The following TLK1 variants were observed in gnomAD, a reference collection of about 807,000 sequenced individuals.
TLK1 encodes the protein serine/threonine-protein kinase tousled-like 1.
TLK1 carries 24 observed loss-of-function variants against 105.3 expected under a neutral mutation model. The ratio of observed to expected loss-of-function variants is 0.23; its 90% CI spans 0.17 to 0.32. The LOEUF is 0.32. Among genes scored for constraint, TLK1 ranks in the 10% least tolerant of loss-of-function variants. The pLI, the probability that TLK1 is intolerant of heterozygous loss-of-function variation, is 1.00. For synonymous variants in TLK1, 321 were observed against 310.4 expected (o/e 1.03, Z -0.36); for missense variants, 558 against 910.5 (o/e 0.61, Z 4.98).
intron 1 of TLK1, among the ~76,000 whole-genome samples, chr2:171,124,777 C>T (rs1690801351): frequency 6.6e-6 from 1 of 152,226 alleles, no homozygotes. Flanking sequence ...TCAGATTGTA[C>T]TTAGTGTTTT....
At chr2:171,157,435 A>G (rs1245198180) in intron 1 of TLK1, among the ~76,000 whole-genome samples, 1 of 152,228 alleles carries the variant, frequency 6.6e-6, no homozygotes, top group African/African-American at 2.4e-5. Context: ...TCAACAGAAA[A>G]TCTAGAGCTA....
chr2:171,195,479 G>A (rs1693253036), intron 1 of TLK1, among the ~76,000 whole-genome samples: 1 of 140,732 alleles, frequency 7.1e-6, no homozygotes, highest in South Asian at 2.3e-4. Context: ...CTCCAGCTAG[G>A]TGACAGAGCA....
rs1367579737 is a variant in TLK1 at position 170,990,870 on chromosome 2, A to C, written c.*2910T>G. 7.5e-6 allele frequency: 1 copy of C among 134,194 alleles called. No individual in the cohort carries two copies. The highest frequency in any genetic ancestry group is 1.9e-4 in the East Asian group (1 of 5,158). The allele number at this position is 134,194 out of a possible 1,614,324, so 8.3% of individuals were successfully genotyped here. On this transcript the variant is annotated 3_prime_UTR_variant, in exon 21 of 21. Coordinates refer to ENST00000431350, the MANE Select transcript of TLK1 (RefSeq NM_012290.5). ...AATAAGTAATGATGAACAGCAAAAC[A>C]ACACACAATATACTCTTTAAATGTT...
At chr2:171,186,730 G>C (rs187667855) in intron 1 of TLK1, among the ~76,000 whole-genome samples, 242 of 152,098 alleles carry the variant, frequency 1.6e-3, no homozygotes, top group African/African-American at 5.7e-3. Context: ...TTCCATATTA[G>C]TTTCTTATAT....
chr2:171,128,973 T>C (rs1012707543), intron 1 of TLK1, among the ~76,000 whole-genome samples: 20 of 152,086 alleles, frequency 1.3e-4, no homozygotes, highest in African/African-American at 4.3e-4. Flanking sequence ...AGTATGTGTG[T>C]GTGTGTGTGT....
chr2:171,114,840 G>GA (rs113782913), intron 2 of TLK1, among the ~76,000 whole-genome samples: 28 of 149,264 alleles, frequency 1.9e-4, no homozygotes, highest in South Asian at 4.2e-4. Context: ...GTCTCAGAGG[G>GA]AAAAAAAAAG....
intron 1 of TLK1, among the ~76,000 whole-genome samples, chr2:171,202,710 T>C (rs1218725465): frequency 2.6e-5 from 4 of 152,120 alleles, no homozygotes; most frequent in Non-Finnish European, 5.9e-5. Flanking sequence ...TGAGCCGAGA[T>C]TGCACCACTG....
chr2:171,037,086 A>G (rs1006529587), intron 11 of TLK1, among the ~76,000 whole-genome samples: 1 of 152,142 alleles, frequency 6.6e-6, no homozygotes, highest in African/African-American at 2.4e-5. Context: ...AGAAAAGGTA[A>G]TATCTGAACT....
At position 171,046,155 on chromosome 2, in the gene TLK1, A is replaced by T. The variant is rs376479608; in HGVS notation, c.1169+19T>A. ...CTGGCAACAATTTTAAAAAAGAAAA[A>T]TTTTAAATGGAGGCTTACAGTTGTG... On this transcript the variant is annotated intron_variant, in intron 11 of 20. Transcript: ENST00000431350. 2 of 1,499,636 alleles carry T rather than the reference A, an allele frequency of 1.3e-6. No homozygotes were observed. Among genetic ancestry groups the T allele is most frequent in the Non-Finnish European group, 1.8e-6 (2 of 1,126,232 alleles). The allele number at this position is 1,499,636 out of a possible 1,614,324, so 92.9% of individuals were successfully genotyped here.
chr2:171,123,057 T>TACACACACACACACACACAC (rs71008752), intron 1 of TLK1, among the ~76,000 whole-genome samples: 6 of 141,218 alleles, frequency 4.2e-5, no homozygotes, highest in African/African-American at 1.6e-4. Context: ...AATAAATAAA[T>TACACACACACACACACACAC]ACACACACAC....
intron 2 of TLK1, among the ~76,000 whole-genome samples, chr2:171,083,198 C>T (rs1271180506): frequency 6.6e-6 from 1 of 152,156 alleles, no homozygotes; most frequent in African/African-American, 2.4e-5. Context: ...ACTAATGCTA[C>T]CTTTGGCTGA....
intron 1 of TLK1, among the ~76,000 whole-genome samples, chr2:171,146,274 T>C (rs1432382848): frequency 6.6e-6 from 1 of 151,876 alleles, no homozygotes; most frequent in Non-Finnish European, 1.5e-5. Context: ...CAGTGAGCTA[T>C]GATTGCGCCA....
At chr2:171,099,682 A>G (rs947945386) in intron 2 of TLK1, among the ~76,000 whole-genome samples, 1 of 152,212 alleles carries the variant, frequency 6.6e-6, no homozygotes, top group Non-Finnish European at 1.5e-5. Context: ...CAGAATTAAG[A>G]GTTCAGAAAT....
At chr2:171,006,071 A>C in intron 18 of TLK1, 76 bp downstream of exon 18, 7 of 1,400,782 alleles carry the variant, frequency 5.0e-6, no homozygotes, top group Non-Finnish European at 5.7e-6. Flanking sequence ...ATGGAAATAA[A>C]AAAAAAAACA....
rs1690590291 is a variant in TLK1 at position 171,120,102 on chromosome 2, A to G, written c.140-2245T>C. Among the ~76,000 whole-genome samples the G allele has an allele frequency of 3.9e-5, 6 of 152,002 alleles. 1 individual carries two copies. The South Asian group carries it at 1.2e-3, about 32-fold the overall frequency. ...TCTCTACTAAAAATACAAAAAAATT[A>G]GCCGAGCGTGGTGGTGTGTGCCTGT... On this transcript the variant is annotated intron_variant, in intron 1 of 20. Transcript: ENST00000431350.
At chr2:171,078,041 CT>C (rs997900085) in intron 3 of TLK1, among the ~76,000 whole-genome samples, 1 of 152,192 alleles carries the variant, frequency 6.6e-6, no homozygotes, top group Non-Finnish European at 1.5e-5. Flanking sequence ...CCAAAGACCC[CT>C]AGGTCTTCTT....
intron 2 of TLK1, among the ~76,000 whole-genome samples, chr2:171,102,931 A>C (rs993588145): frequency 6.6e-6 from 1 of 152,206 alleles, no homozygotes; most frequent in African/African-American, 2.4e-5. Flanking sequence ...TATGGAATCA[A>C]TAAGTTGTAG....
rs7572860 is a variant in TLK1 at position 171,066,534 on chromosome 2, T to C, written c.331-5378A>G. Among the ~76,000 whole-genome samples the C allele has an allele frequency of 5.1e-3, 784 of 152,300 alleles. 10 individuals carry two copies. The highest frequency in any genetic ancestry group is 0.017 in the African/African-American group (723 of 41,548). On this transcript the variant is annotated intron_variant, in intron 3 of 20. Coordinates refer to ENST00000431350, the MANE Select transcript of TLK1 (RefSeq NM_012290.5). ...ACAGCATTCACAACCGTATCAGTAC[T>C]CCAAAGAAATGTAATATTAAAACAA...
Position 170,993,688 on chromosome 2 carries a change from A to T in TLK1, c.*92T>A. On this transcript the variant is annotated 3_prime_UTR_variant, in exon 21 of 21. Coordinates refer to ENST00000431350, the MANE Select transcript of TLK1 (RefSeq NM_012290.5). ...TTGTGTAAAAAAAAAAAAAAAAAAA[A>T]AAGAAAAAGAAAACAAACACTCAAA... The T allele has an allele frequency of 2.1e-6, 2 of 973,604 alleles. No homozygotes were observed. The highest frequency in any genetic ancestry group is 2.8e-6 in the Non-Finnish European group (2 of 724,050). The allele number at this position is 973,604 out of a possible 1,614,324, so 60.3% of individuals were successfully genotyped here. A position where few individuals can be genotyped will look rare whatever the true frequency, so the allele number is the denominator to read the frequency against.
Sources: allele counts gnomAD v4.1 joint callset (sites outside exome capture counted in the v4.1 genomes callset), GRCh38; gene constraint gnomAD v4.1.1; transcripts MANE v1.5; gene names NCBI Gene and HGNC (gene_info 2026-07-23, HGNC 2026-07-21).